Variants in FAM53B observed in about 807,000 individuals in gnomAD.
FAM53B encodes protein FAM53B.
Under a neutral mutation model 32.7 loss-of-function variants are expected in FAM53B, and 12 were observed. The observed-to-expected ratio is 0.37, with a 90% CI of 0.24 to 0.59. The LOEUF (loss-of-function observed/expected upper bound fraction) is 0.59, where lower values mean the gene tolerates loss of function less well. Among genes scored for constraint, FAM53B ranks in the 20% least tolerant of loss-of-function variants. The pLI is 0.72. For missense variants in FAM53B, 477 were observed against 577.7 expected, an observed-to-expected ratio of 0.83 and a Z score of 1.79; for synonymous variants, 234 against 228.7, an observed-to-expected ratio of 1.02 and a Z score of -0.21.
intron 4 of FAM53B, among the ~76,000 whole-genome samples, chr10:124,646,349 G>A (rs780498404): frequency 2.6e-5 from 4 of 152,194 alleles, no homozygotes; most frequent in African/African-American, 7.2e-5. Flanking sequence ...CTCTGGCCCC[G>A]CAATGGGCTC....
At chr10:124,626,388 GCCC>G (rs34542605) in intron 4 of FAM53B, among the ~76,000 whole-genome samples, 1,442 of 101,796 alleles carry the variant, frequency 0.014, 34 homozygotes, top group African/African-American at 0.033. Context: ...CGAAATTTGT[GCCC>G]CCCCCCCCCC....
intron 4 of FAM53B, among the ~76,000 whole-genome samples, chr10:124,671,417 C>T (rs1333908855): frequency 6.6e-6 from 1 of 152,230 alleles, no homozygotes; most frequent in East Asian, 1.9e-4. Context: ...ATTAATACTT[C>T]GTTTTCTCTT....
chr10:124,701,388 G>A (rs1382265991), intron 2 of FAM53B, among the ~76,000 whole-genome samples: 1 of 152,228 alleles, frequency 6.6e-6, no homozygotes, highest in African/African-American at 2.4e-5. Flanking sequence ...GACAAGTATT[G>A]GTTGTTACGT....
rs143697471 is a variant in FAM53B, at chr10:124,658,218, T to C, written c.906+23389A>G. ...GAAACTAAGGAAAACACTGGTGTGC[T>C]TGGGGATAGGGATCCCGCTTGGCAA... On this transcript the variant is annotated intron_variant, in intron 4 of 4. Coordinates refer to ENST00000337318, the MANE Select transcript of FAM53B (RefSeq NM_014661.4). Among the ~76,000 whole-genome samples the C allele has an allele frequency of 3.3e-3, 503 of 152,350 alleles. 2 individuals are homozygous for C. Among genetic ancestry groups the C allele is most frequent in the African/African-American group, 0.012 (486 of 41,588 alleles).
intron 1 of FAM53B, among the ~76,000 whole-genome samples, chr10:124,709,104 G>A (rs1324655492): frequency 6.6e-6 from 1 of 152,232 alleles, no homozygotes; most frequent in East Asian, 1.9e-4. Context: ...CATGGGGGAG[G>A]CTGGGAGTCC....
intron 1 of FAM53B, among the ~76,000 whole-genome samples, chr10:124,737,469 C>T (rs1245174437): frequency 6.6e-6 from 1 of 152,188 alleles, no homozygotes; most frequent in Non-Finnish European, 1.5e-5. Context: ...TGCTGGTCTA[C>T]GCTAAAGCAG....
chr10:124,658,299 G>A (rs1267613937), intron 4 of FAM53B, among the ~76,000 whole-genome samples: 1 of 152,198 alleles, frequency 6.6e-6, no homozygotes, highest in Non-Finnish European at 1.5e-5. Flanking sequence ...ACCCAAGGAG[G>A]TTTCAGGTCC....
At chr10:124,738,573 A>AC (rs567130124) in intron 1 of FAM53B, among the ~76,000 whole-genome samples, 78 of 147,818 alleles carry the variant, frequency 5.3e-4, no homozygotes, top group Non-Finnish European at 8.1e-4. Flanking sequence ...GCACACTCAC[A>AC]CCCCCCCGAG....
chr10:124,627,258 C>A (rs1949361680), intron 4 of FAM53B, among the ~76,000 whole-genome samples: 1 of 152,174 alleles, frequency 6.6e-6, no homozygotes, highest in South Asian at 2.1e-4. Flanking sequence ...CAGGGTGTGC[C>A]ACACCCAGGC....
intron 4 of FAM53B, among the ~76,000 whole-genome samples, chr10:124,625,752 G>A (rs1423495232): frequency 6.6e-6 from 1 of 152,244 alleles, no homozygotes; most frequent in Non-Finnish European, 1.5e-5. Flanking sequence ...AAGGAGAACT[G>A]AGTAGGGGGC....
chr10:124,708,513 G>A (rs1172511505), intron 1 of FAM53B, among the ~76,000 whole-genome samples: 1 of 152,256 alleles, frequency 6.6e-6, no homozygotes, highest in Non-Finnish European at 1.5e-5. Context: ...CGATCTAGAA[G>A]TGACATGTTC....
At chr10:124,628,923 CTTCCCTCG>C (rs1949373178) in intron 4 of FAM53B, among the ~76,000 whole-genome samples, 1 of 152,254 alleles carries the variant, frequency 6.6e-6, no homozygotes, top group South Asian at 2.1e-4. Flanking sequence ...AGTTCATGGG[CTTCCCTCG>C]CCTCCCTGAA....
intron 1 of FAM53B, among the ~76,000 whole-genome samples, chr10:124,711,024 C>G (rs1425967262): frequency 2.0e-5 from 3 of 152,138 alleles, no homozygotes; most frequent in African/African-American, 7.2e-5. Context: ...TTGTAACAGC[C>G]CTTTATTCAT....
At chr10:124,726,823 T>C (rs1393222384) in intron 1 of FAM53B, among the ~76,000 whole-genome samples, 1 of 152,218 alleles carries the variant, frequency 6.6e-6, no homozygotes, top group African/African-American at 2.4e-5. Context: ...ACTTGCTGTA[T>C]TGAGTCTCTG....
chr10:124,705,011 A>G (rs1949943088), intron 2 of FAM53B, among the ~76,000 whole-genome samples: 1 of 152,222 alleles, frequency 6.6e-6, no homozygotes, highest in Non-Finnish European at 1.5e-5. Context: ...TCCTCGCTGC[A>G]GTGACCAAGG....
Position 124,650,133 on chromosome 10 carries a change from G to A in FAM53B, c.907-26529C>T, listed in dbSNP as rs375473677. Among the ~76,000 whole-genome samples, 301 of 152,254 alleles carry A rather than the reference G, an allele frequency of 2.0e-3. 3 individuals are homozygous for A. The highest frequency in any genetic ancestry group is 6.8e-3 in the Middle Eastern group (2 of 294). ...ATGACTTATCTCCCTAATGGAGCTG[G>A]GATATTCTTAGTAATATAATTAAGT... On this transcript the variant is annotated intron_variant, in intron 4 of 4. Transcript: ENST00000337318.
chr10:124,628,379 C>T (rs1949369003), intron 4 of FAM53B, among the ~76,000 whole-genome samples: 1 of 152,196 alleles, frequency 6.6e-6, no homozygotes, highest in Non-Finnish European at 1.5e-5. Context: ...CGGTTGCCTC[C>T]TCCGAAGGAG....
At chr10:124,641,239 A>G (rs561209210) in intron 4 of FAM53B, among the ~76,000 whole-genome samples, 9 of 152,292 alleles carry the variant, frequency 5.9e-5, no homozygotes, top group Middle Eastern at 3.4e-3. Flanking sequence ...GATTCACTTC[A>G]ACATGTTGCA....
chr10:124,633,289 A>C (rs535460095), intron 4 of FAM53B, among the ~76,000 whole-genome samples: 1 of 152,228 alleles, frequency 6.6e-6, no homozygotes, highest in Admixed American at 6.5e-5. Flanking sequence ...AGCAAGACTG[A>C]ACAAATAGAA....
Sources: gnomAD v4.1 joint callset for allele counts (sites outside exome capture counted in the v4.1 genomes callset) on GRCh38, gnomAD v4.1.1 for gene constraint, MANE v1.5 for transcripts, NCBI Gene and HGNC (gene_info 2026-07-23, HGNC 2026-07-21) for gene names.